Variants in CDC45 observed in about 807,000 individuals in gnomAD.
CDC45 encodes cell division cycle 45.
Under a neutral mutation model 77.8 loss-of-function variants are expected in CDC45, and 54 were observed. The ratio of observed to expected loss-of-function variants is 0.69; its 90% confidence interval spans 0.56 to 0.87. CDC45 has a LOEUF of 0.87. CDC45 is among the 40% of genes least tolerant of loss of function. The probability of loss-of-function intolerance (pLI) is 0.00; values close to 1 mark genes in which losing one functional copy is unlikely to be tolerated. For missense variants in CDC45, 649 were observed against 721.6 expected (o/e 0.90, Z 1.15); for synonymous variants, 260 against 272.1 (o/e 0.96, Z 0.44).
intron 5 of CDC45, among the ~76,000 whole-genome samples, chr22:19,493,600 C>T (rs2090190562): frequency 2.6e-5 from 4 of 152,200 alleles, no homozygotes; most frequent in African/African-American, 7.2e-5. Flanking sequence ...TGTGCCACCA[C>T]GCCCGGCTAA....
intron 13 of CDC45, among the ~76,000 whole-genome samples, chr22:19,511,278 A>T (rs1933496675): frequency 6.8e-6 from 1 of 147,500 alleles, no homozygotes; most frequent in Non-Finnish European, 1.5e-5. Context: ...TCATGTGCTT[A>T]TTGGTCATTT....
chr22:19,509,340 C>A (rs1246222450), intron 13 of CDC45, among the ~76,000 whole-genome samples: 2 of 152,212 alleles, frequency 1.3e-5, no homozygotes, highest in Admixed American at 6.5e-5. Flanking sequence ...GGAAACAATT[C>A]ATTGGTTTCA....
rs1254941359 is a variant in CDC45, at chr22:19,507,110, A to G, written c.825-276A>G. 3.3e-5 allele frequency among the ~76,000 whole-genome samples: 5 copies of G among 152,164 alleles called. No individual in the cohort carries two copies. The East Asian group carries it at 9.6e-4, about 29-fold the overall frequency. ...CGTCATGTGTGGCCATGACTGCTCC[A>G]TGTGACCACAGCACCTGGACTTTGC... On this transcript the variant is annotated intron_variant, in intron 10 of 18. Transcript: ENST00000263201.
At chr22:19,503,825 C>G (rs536102545) in intron 9 of CDC45, among the ~76,000 whole-genome samples, 1 of 152,212 alleles carries the variant, frequency 6.6e-6, no homozygotes, top group African/African-American at 2.4e-5. Context: ...GCCACAGGAC[C>G]TCCAAAGAGG....
intron 15 of CDC45, among the ~76,000 whole-genome samples, chr22:19,515,532 A>G (rs1462707875): frequency 2.0e-5 from 3 of 152,202 alleles, no homozygotes; most frequent in Admixed American, 6.5e-5. Context: ...CAGATGTGAC[A>G]TGTCAATAAT....
At chr22:19,493,215 C>A (rs1246960216) in intron 5 of CDC45, among the ~76,000 whole-genome samples, 1 of 106,346 alleles carries the variant, frequency 9.4e-6, no homozygotes, top group Non-Finnish European at 2.2e-5. Flanking sequence ...CTAGACAGAG[C>A]AGCTTTTGTG....
rs201658114 is a variant in CDC45, at chr22:19,508,592, C to T, written c.1118C>T (p.Ala373Val). The T allele has an allele frequency of 7.9e-5, 128 of 1,614,050 alleles. No individual in the cohort carries two copies. Among genetic ancestry groups the T allele is most frequent in the Non-Finnish European group, 9.7e-5 (115 of 1,180,014 alleles). ...IHFGFKHKFLASDVVFATMSL... is the reference protein window; with the variant it reads ...IHFGFKHKFLVSDVVFATMSL... ...TTTGGGTTCAAGCACAAGTTTCTGGCCAGCGACGTGGTCTTTGCCACCATG... is the reference window on the plus strand; with the variant it reads ...TTTGGGTTCAAGCACAAGTTTCTGGTCAGCGACGTGGTCTTTGCCACCATG... The change falls in exon 13 of 19, where the codon GCC becomes GTC. Residue 373 changes from alanine to valine, a missense_variant. Transcript: ENST00000263201.
At chr22:19,498,332 A>T (rs1387397048) in intron 8 of CDC45, among the ~76,000 whole-genome samples, 1 of 152,238 alleles carries the variant, frequency 6.6e-6, no homozygotes, top group Non-Finnish European at 1.5e-5. Context: ...CTGTCTGCAG[A>T]AAAGGAGGCA....
rs749025664 is a variant in CDC45, at chr22:19,508,545, C to T, written c.1071C>T (p.Arg357=). The change falls in exon 13 of 19, where the codon CGC becomes CGT. Residue 357 remains arginine, a synonymous_variant. Transcript: ENST00000263201. ...SANKFGMKDM[R]VQTFSIHFGF... ...CCCATGACAGGATGAAGGACATGCG[C>T]GTGCAGACTTTCAGCATTCATTTTG... 11 of 1,614,070 alleles carry T rather than the reference C, an allele frequency of 6.8e-6. No individual in the cohort carries two copies. The highest frequency in any genetic ancestry group is 1.3e-5 in the African/African-American group (1 of 74,924).
chr22:19,488,069 A>G (rs1332186085), intron 5 of CDC45, among the ~76,000 whole-genome samples: 1 of 152,218 alleles, frequency 6.6e-6, no homozygotes, highest in Non-Finnish European at 1.5e-5. Flanking sequence ...TACTTAATCT[A>G]CAGGTGCTAT....
In CDC45 at chr22:19,480,186, T is replaced by C; in HGVS notation, c.80T>C (p.Val27Ala). The C allele has an allele frequency of 6.2e-7, 1 of 1,614,024 alleles. No individual in the cohort carries two copies. The highest frequency in any genetic ancestry group is 1.3e-5 in the African/African-American group (1 of 75,024). Residue 27 changes from valine (V) to alanine (A), a missense_variant, in exon 2 of 19, where the codon GTG (valine) becomes GCG (alanine). Transcript: ENST00000263201. ...GTCCTTCTCTTCGTGGCCTCGGACG[T>C]GGATGCTCTGTGTGCGTGCAAGATC... is the stretch of plus-strand genomic sequence containing the variant. ...QRVLLFVASD[V>A]DALCACKILQ...
chr22:19,480,221 A>T lies in CDC45; in HGVS notation c.111+4A>T. 6.2e-7 allele frequency: 1 copy of T among 1,613,428 alleles called. No homozygotes were observed. Among genetic ancestry groups the T allele is most frequent in the Non-Finnish European group, 8.5e-7 (1 of 1,179,748 alleles). ...GTGTGCGTGCAAGATCCTTCAGGTG[A>T]GTTCTGCGGACCCTAGGAGGGCGGG... On this transcript the variant is annotated splice_donor_region_variant and intron_variant, in intron 2 of 18. Coordinates refer to ENST00000263201, the MANE Select transcript of CDC45 (RefSeq NM_003504.5).
At chr22:19,495,130 C>T (rs1249367567) in intron 6 of CDC45, among the ~76,000 whole-genome samples, 2 of 152,218 alleles carry the variant, frequency 1.3e-5, no homozygotes, top group Admixed American at 6.5e-5. Flanking sequence ...TCCATAATCA[C>T]ACTGCCTAAT....
rs772885663 is a variant in CDC45, at chr22:19,516,572, C to T, written c.1486C>T (p.Pro496Ser). 1 of 1,614,040 alleles carries T rather than the reference C, an allele frequency of 6.2e-7. No homozygotes were observed. The highest frequency in any genetic ancestry group is 8.5e-7 in the Non-Finnish European group (1 of 1,179,978). ...CKLLPLVMAAPLSMEHGTVTV... is the reference protein window; with the variant it reads ...CKLLPLVMAASLSMEHGTVTV... ...ACTGCTGCCCCTGGTGATGGCTGCC[C>T]CCCTGAGCATGGAGCATGGCACAGT... Residue 496 changes from proline to serine, a missense_variant, in exon 16 of 19, where the codon CCC becomes TCC. Coordinates refer to ENST00000263201, the MANE Select transcript of CDC45 (RefSeq NM_003504.5).
chr22:19,515,445 G>T (rs974494975), intron 15 of CDC45, among the ~76,000 whole-genome samples: 2 of 152,144 alleles, frequency 1.3e-5, no homozygotes, highest in African/African-American at 4.8e-5. Context: ...CCCCCTCTTT[G>T]CGTTGGCGTG....
chr22:19,518,768 G>T lies in CDC45; in HGVS notation c.1637-76G>T, dbSNP rs1933941849. On this transcript the variant is annotated intron_variant, in intron 17 of 18. Coordinates refer to ENST00000263201, the MANE Select transcript of CDC45 (RefSeq NM_003504.5). Reference sequence around the variant, plus strand: ...TTTGGAATGCAGTGGAGGGCAGGCAGCGGAGGGGAGTTCTGTGCCCTGTCT... The same window carrying T: ...TTTGGAATGCAGTGGAGGGCAGGCATCGGAGGGGAGTTCTGTGCCCTGTCT... The T allele has an allele frequency of 6.0e-5, 70 of 1,172,634 alleles. No individual in the cohort carries two copies. The South Asian group carries it at 8.2e-4, about 14-fold the overall frequency. 72.6% of individuals were successfully genotyped at this position (1,172,634 alleles called of 1,614,324 possible).
chr22:19,502,875 A>G (rs1314442606), intron 9 of CDC45, among the ~76,000 whole-genome samples: 3 of 152,224 alleles, frequency 2.0e-5, no homozygotes, highest in Non-Finnish European at 4.4e-5. Context: ...CAGTAGCTTA[A>G]TAATACCAGA....
chr22:19,482,643 G>A, intron 3 of CDC45, 47 bp from the exon 4 acceptor site: 1 of 1,591,248 alleles, frequency 6.3e-7, no homozygotes, highest in Non-Finnish European at 8.6e-7. Flanking sequence ...TGAAGGAAAA[G>A]GGGCCTCCTC....
chr22:19,517,467 C>T (rs1048406820), intron 17 of CDC45, among the ~76,000 whole-genome samples: 26 of 152,226 alleles, frequency 1.7e-4, no homozygotes, highest in Non-Finnish European at 7.3e-5. Context: ...GCTGTGTTGG[C>T]GTTCTTATTA....
Sources: gnomAD v4.1 joint callset for allele counts (sites outside exome capture counted in the v4.1 genomes callset) on GRCh38, gnomAD v4.1.1 for gene constraint, MANE v1.5 for transcripts, NCBI Gene and HGNC (gene_info 2026-07-23, HGNC 2026-07-21) for gene names.